Variants in HK1 observed in about 807,000 individuals in gnomAD.
HK1 encodes hexokinase-1.
Under a neutral mutation model 91.6 loss-of-function variants are expected in HK1, and 28 were observed. That is an observed-to-expected ratio of 0.31 (90% CI 0.23 to 0.42). The LOEUF (loss-of-function observed/expected upper bound fraction) is 0.42. HK1 is among the 10% of genes least tolerant of loss of function. HK1 has a pLI of 1.00. For synonymous variants in HK1, 430 were observed against 468.1 expected (o/e 0.92, Z 1.05); for missense variants, 770 against 1,219.8 (o/e 0.63, Z 5.49).
intron 13 of HK1, 88 bp from the exon 14 acceptor site, chr10:69,389,109 C>A: frequency 1.0e-6 from 1 of 962,216 alleles, no homozygotes; most frequent in South Asian, 1.4e-5. Context: ...CAGTGGCTCT[C>A]TGACTGCAGT....
chr10:69,316,521 T>C (rs1321877392), upstream of HK1, among the ~76,000 whole-genome samples: 3 of 152,222 alleles, frequency 2.0e-5, no homozygotes, highest in Non-Finnish European at 2.9e-5. Flanking sequence ...TGGGGCCTGG[T>C]TGCATTCATG....
chr10:69,362,072 C>T (rs1849453628), intron 3 of HK1, among the ~76,000 whole-genome samples: 2 of 152,156 alleles, frequency 1.3e-5, no homozygotes, highest in South Asian at 4.1e-4. Flanking sequence ...CCACACCCAG[C>T]CCAGAGCACT....
At chr10:69,393,540 G>A (rs183598914) in intron 15 of HK1, among the ~76,000 whole-genome samples, 2,002 of 152,188 alleles carry the variant, frequency 0.013, 20 homozygotes, top group Non-Finnish European at 0.02. Flanking sequence ...CAGGTGATTG[G>A]CCCGCCTCAG....
At chr10:69,274,186 G>A (rs1440352864) in intron 1 of HK1, among the ~76,000 whole-genome samples, 1 of 152,148 alleles carries the variant, frequency 6.6e-6, no homozygotes, top group African/African-American at 2.4e-5. Context: ...GCTCATACCT[G>A]TCATCCTAGC....
chr10:69,316,142 G>T, upstream of HK1: 2 of 818,140 alleles, frequency 2.4e-6, no homozygotes, highest in Non-Finnish European at 2.2e-6. Flanking sequence ...AAATGGAGTG[G>T]ACATGGTGGG....
chr10:69,353,742 C>G (rs2132728780), intron 2 of HK1, among the ~76,000 whole-genome samples: 1 of 152,226 alleles, frequency 6.6e-6, no homozygotes, highest in Middle Eastern at 3.4e-3. Context: ...AAACTCCTGC[C>G]CTTTCTCCCA....
At chr10:69,313,664 A>C (rs1038164212), upstream of HK1, among the ~76,000 whole-genome samples, 1 of 151,720 alleles carries the variant, frequency 6.6e-6, no homozygotes, top group Non-Finnish European at 1.5e-5. Flanking sequence ...TGCCTGGCTA[A>C]TTTTGTATTT....
chr10:69,362,439 T>C (rs143531541), intron 3 of HK1, among the ~76,000 whole-genome samples: 2 of 138,536 alleles, frequency 1.4e-5, no homozygotes, highest in Middle Eastern at 3.5e-3. Flanking sequence ...ATAATGTTTT[T>C]TTTTTTTTTT....
At chr10:69,368,041 T>C (rs565729779) in intron 4 of HK1, among the ~76,000 whole-genome samples, 1 of 152,366 alleles carries the variant, frequency 6.6e-6, no homozygotes, top group African/African-American at 2.4e-5. Context: ...CATCATTCCC[T>C]AAATGTCTGG....
intron 1 of HK1, among the ~76,000 whole-genome samples, chr10:69,274,876 A>G (rs952789525): frequency 1.3e-5 from 2 of 152,072 alleles, no homozygotes; most frequent in African/African-American, 4.8e-5. Flanking sequence ...ATTCTCTCTG[A>G]GTAGTCTTGC....
intron 5 of HK1, among the ~76,000 whole-genome samples, chr10:69,306,447 GA>G (rs1217665352): frequency 1.3e-5 from 2 of 151,770 alleles, no homozygotes; most frequent in East Asian, 3.9e-4. Flanking sequence ...AGAGGAAAGG[GA>G]AAAAAGGGAA....
rs983374226 is a variant in HK1, at chr10:69,380,725, G to A, written c.1265+630G>A. On this transcript the variant is annotated intron_variant, in intron 9 of 17. Transcript: ENST00000359426. This position sits in a 1 kb window ranked among gnomAD's most constrained non-coding sequence, Gnocchi z 4.0. The stretch of plus-strand genomic sequence containing the variant: ...GCTTTGTTCCCCACACAGCCTTCTG[G>A]TCTGTCAGTGGCCCCAGCCAGTCCT... 1.3e-5 allele frequency among the ~76,000 whole-genome samples: 2 copies of A among 152,176 alleles called. No individual in the cohort carries two copies. Among genetic ancestry groups the A allele is most frequent in the African/African-American group, 4.8e-5 (2 of 41,436 alleles).
At chr10:69,288,780 G>A (rs750181301) in intron 3 of HK1, 3 of 1,612,274 alleles carry the variant, frequency 1.9e-6, no homozygotes, top group South Asian at 1.1e-5. Flanking sequence ...GGTAAGCTCT[G>A]GTGTTTCTTT....
chr10:69,368,721 G>A (rs548256545), intron 5 of HK1, 90 bp downstream of exon 5: 275 of 999,464 alleles, frequency 2.8e-4, no homozygotes, highest in Middle Eastern at 2.1e-3. Context: ...TTCCTGGGGG[G>A]CAGTAGTGCC....
At chr10:69,284,646 T>C (rs1299587385) in intron 2 of HK1, among the ~76,000 whole-genome samples, 2 of 152,068 alleles carry the variant, frequency 1.3e-5, no homozygotes, top group East Asian at 3.9e-4. Context: ...AGATCCTATT[T>C]CCCTTTTTCT....
chr10:69,386,352 T>TA lies in HK1; in HGVS notation c.1871dup (p.Ala625GlyfsTer24), dbSNP rs754451671. ...TCTTGATCACGTGGACAAAGGGTTTTAAGGCAACAGACTGCGTGGGCCACG... is the reference window on the plus strand; with the variant it reads ...TCTTGATCACGTGGACAAAGGGTTTTAAAGGCAACAGACTGCGTGGGCCACG... On this transcript the variant is annotated frameshift_variant, in exon 13 of 18. Coordinates refer to ENST00000359426, the MANE Select transcript of HK1 (RefSeq NM_000188.3). LOFTEE classifies it high-confidence loss of function. 2 of 1,614,020 alleles carry TA rather than the reference T, an allele frequency of 1.2e-6. No individual in the cohort carries two copies. The highest frequency in any genetic ancestry group is 2.7e-5 in the African/African-American group (2 of 74,944).
intron 1 of HK1, among the ~76,000 whole-genome samples, chr10:69,271,517 C>T (rs1844166127): frequency 6.7e-6 from 1 of 150,334 alleles, no homozygotes; most frequent in East Asian, 1.9e-4. Context: ...CGCTCTGTTG[C>T]CCAGGCTGAA....
intron 1 of HK1, among the ~76,000 whole-genome samples, chr10:69,276,090 CA>C (rs60324656): frequency 1.3e-3 from 20 of 15,928 alleles, no homozygotes; most frequent in African/African-American, 2.8e-3. Flanking sequence ...AACTCCTTTT[CA>C]AAAAAAAAAA....
intron 3 of HK1, among the ~76,000 whole-genome samples, chr10:69,293,922 C>A (rs7916281): frequency 7.4e-6 from 1 of 135,624 alleles, no homozygotes; most frequent in Non-Finnish European, 1.5e-5. Context: ...AGTGCAGTGG[C>A]GTGATCTCGG....
Sources: allele counts gnomAD v4.1 joint callset (sites outside exome capture counted in the v4.1 genomes callset), GRCh38; gene constraint gnomAD v4.1.1; non-coding constraint Gnocchi (gnomAD v3.1); transcripts MANE v1.5; gene names NCBI Gene and HGNC (gene_info 2026-07-23, HGNC 2026-07-21).